Variants in KIAA1549L observed in about 807,000 individuals in gnomAD.
KIAA1549L encodes the protein KIAA1549 like, also known as UPF0606 protein KIAA1549L.
A neutral mutation model predicts 160.7 loss-of-function variants in KIAA1549L; 88 were observed. The observed-to-expected ratio is 0.55, with a 90% CI of 0.46 to 0.65. The LOEUF (loss-of-function observed/expected upper bound fraction) is 0.65, where lower values mean the gene tolerates loss of function less well. Ranked by LOEUF, KIAA1549L falls within the 30% of genes least tolerant of loss-of-function variation. The pLI is 0.00. For missense variants in KIAA1549L, 2,258 were observed against 2,437.5 expected (o/e 0.93, Z 1.55); for synonymous variants, 950 against 976.7 (o/e 0.97, Z 0.51).
intron 1 of KIAA1549L, among the ~76,000 whole-genome samples, chr11:33,401,697 G>C (rs1055703867): frequency 6.6e-6 from 1 of 152,134 alleles, no homozygotes; most frequent in Non-Finnish European, 1.5e-5. Context: ...CAGTAGCTGG[G>C]ACTACAGGCA....
intron 13 of KIAA1549L, 112 bp downstream of exon 13, chr11:33,599,059 C>T: frequency 2.3e-6 from 3 of 1,288,958 alleles, no homozygotes. Context: ...CTCTGACCCT[C>T]AGTCGTTCTT....
At position 33,542,000 on chromosome 11, in the gene KIAA1549L, A is replaced by G. The variant is rs1055367846; in HGVS notation, c.437A>G (p.His146Arg). ...QSARTPASKT[H>R]HRTRAHADFS... Reference sequence around the variant, plus strand: ...GCCCGAACCCCTGCGTCCAAGACACACCACAGAACTAGGGCTCACGCGGAC... The same window carrying G: ...GCCCGAACCCCTGCGTCCAAGACACGCCACAGAACTAGGGCTCACGCGGAC... The change falls in exon 2 of 21, where the codon CAC becomes CGC. Residue 146 changes from histidine (H) to arginine (R), a missense_variant. By Grantham distance (29) the His-to-Arg change is conservative (BLOSUM62 0). Coordinates refer to ENST00000658780, the MANE Select transcript of KIAA1549L (RefSeq NM_012194.3). 3.4e-5 allele frequency: 15 copies of G among 440,504 alleles called. No homozygotes were observed. Among genetic ancestry groups the G allele is most frequent in the African/African-American group, 3.0e-4 (15 of 49,878 alleles). The allele number at this position is 440,504 out of a possible 1,614,324, so 27.3% of individuals were successfully genotyped here. A position where few individuals can be genotyped will look rare whatever the true frequency, so the allele number is the denominator to read the frequency against.
At chr11:33,393,678 C>CA (rs1322088949) in intron 1 of KIAA1549L, among the ~76,000 whole-genome samples, 1 of 152,148 alleles carries the variant, frequency 6.6e-6, no homozygotes, top group Non-Finnish European at 1.5e-5. Flanking sequence ...GCATAGAAGA[C>CA]AATGTTCAGG....
intron 4 of KIAA1549L, among the ~76,000 whole-genome samples, chr11:33,548,296 G>A (rs1282867027): frequency 6.6e-6 from 1 of 152,144 alleles, no homozygotes; most frequent in African/African-American, 2.4e-5. Flanking sequence ...CTACTCGGGA[G>A]GCTGAGACAG....
At chr11:33,539,960 A>G (rs1209827331) in intron 1 of KIAA1549L, among the ~76,000 whole-genome samples, 2 of 152,226 alleles carry the variant, frequency 1.3e-5, no homozygotes, top group African/African-American at 2.4e-5. Flanking sequence ...ACTGTGTTTC[A>G]TAGGAGCTAT....
chr11:33,617,133 C>CAAAAAAA (rs59233344), intron 15 of KIAA1549L, among the ~76,000 whole-genome samples: 1 of 89,588 alleles, frequency 1.1e-5, no homozygotes, highest in African/African-American at 3.8e-5. Flanking sequence ...GAGATTCTAT[C>CAAAAAAA]AAAAAAAAAA....
intron 15 of KIAA1549L, among the ~76,000 whole-genome samples, chr11:33,612,235 A>G (rs990161655): frequency 3.9e-5 from 6 of 152,124 alleles, no homozygotes; most frequent in Non-Finnish European, 7.4e-5. Flanking sequence ...TTCTTGACAC[A>G]CTCTGCTGTT....
At chr11:33,580,768 G>C (rs1030528031) in intron 10 of KIAA1549L, among the ~76,000 whole-genome samples, 3 of 152,136 alleles carry the variant, frequency 2.0e-5, no homozygotes, top group Admixed American at 6.5e-5. Flanking sequence ...CTGCCCTCAT[G>C]GAGCTTATGT....
chr11:33,389,318 G>A (rs550488201), intron 1 of KIAA1549L, among the ~76,000 whole-genome samples: 14 of 152,312 alleles, frequency 9.2e-5, no homozygotes, highest in African/African-American at 2.6e-4. Context: ...AAGAAAAATG[G>A]GAAGTGTGAG....
intron 12 of KIAA1549L, among the ~76,000 whole-genome samples, chr11:33,596,115 C>T (rs1193636668): frequency 6.6e-6 from 1 of 152,206 alleles, no homozygotes; most frequent in Admixed American, 6.5e-5. Flanking sequence ...CTTCCCAGCT[C>T]CATGTCCTCA....
At chr11:33,632,572 CT>C (rs1434805623) in intron 16 of KIAA1549L, among the ~76,000 whole-genome samples, 1 of 151,894 alleles carries the variant, frequency 6.6e-6, no homozygotes, top group East Asian at 1.9e-4. Flanking sequence ...TTGAGGAACA[CT>C]TGTAGTTGGA....
At chr11:33,434,635 A>T (rs1851319727) in intron 1 of KIAA1549L, among the ~76,000 whole-genome samples, 2 of 152,242 alleles carry the variant, frequency 1.3e-5, no homozygotes, top group Admixed American at 1.3e-4. Flanking sequence ...ACTCAAAACC[A>T]GCAGCCATTT....
chr11:33,442,181 C>T (rs1007999677), intron 1 of KIAA1549L, among the ~76,000 whole-genome samples: 11 of 152,162 alleles, frequency 7.2e-5, no homozygotes, highest in African/African-American at 1.7e-4. Context: ...ATAGGGAATC[C>T]TTTCCCCATT....
intron 17 of KIAA1549L, among the ~76,000 whole-genome samples, chr11:33,649,783 C>T (rs1378587817): frequency 1.4e-5 from 2 of 147,826 alleles, no homozygotes; most frequent in Non-Finnish European, 3.0e-5. Flanking sequence ...GTTCCAGCTA[C>T]TAGGAGGCTG....
rs375167016 is a variant in KIAA1549L at position 33,667,890 on chromosome 11, C to T, written c.6177C>T (p.Tyr2059=). 2.5e-6 allele frequency: 4 copies of T among 1,612,436 alleles called. No homozygotes were observed. Among genetic ancestry groups the T allele is most frequent in the South Asian group, 2.2e-5 (2 of 90,712 alleles). Reference sequence around the variant, plus strand: ...CTCTGCAGGTGCCCCTCCCAGGGTACATCGAGGCCTACCCCCGATCACGGT... The same window carrying T: ...CTCTGCAGGTGCCCCTCCCAGGGTATATCGAGGCCTACCCCCGATCACGGT... ...QWADSVPLPG[Y]IEAYPRSRYP... Residue 2059 remains tyrosine, a synonymous_variant, in exon 21 of 21, where the codon TAC becomes TAT. Coordinates refer to ENST00000658780, the MANE Select transcript of KIAA1549L (RefSeq NM_012194.3).
intron 1 of KIAA1549L, among the ~76,000 whole-genome samples, chr11:33,507,105 T>A (rs1853109702): frequency 6.6e-6 from 1 of 152,104 alleles, no homozygotes; most frequent in Non-Finnish European, 1.5e-5. Context: ...AGAAGGAACA[T>A]AGGGAGATCT....
intron 18 of KIAA1549L, among the ~76,000 whole-genome samples, chr11:33,656,735 A>G (rs1419800553): frequency 1.3e-5 from 2 of 152,146 alleles, no homozygotes; most frequent in African/African-American, 2.4e-5. Context: ...AGCTTCCCCC[A>G]ACATACAAAT....
At chr11:33,421,411 G>T (rs1366507695) in intron 1 of KIAA1549L, among the ~76,000 whole-genome samples, 1 of 152,224 alleles carries the variant, frequency 6.6e-6, no homozygotes, top group African/African-American at 2.4e-5. Flanking sequence ...CCCACAGTGT[G>T]GGCCGTAGGC....
At chr11:33,456,593 G>GT (rs142163554) in intron 1 of KIAA1549L, among the ~76,000 whole-genome samples, 1 of 152,114 alleles carries the variant, frequency 6.6e-6, no homozygotes, top group African/African-American at 2.4e-5. Flanking sequence ...ATATTTTTTT[G>GT]TAGAGACAGG....
Sources: gnomAD v4.1 joint callset for allele counts (sites outside exome capture counted in the v4.1 genomes callset) on GRCh38, gnomAD v4.1.1 for gene constraint, MANE v1.5 for transcripts, NCBI Gene and HGNC (gene_info 2026-07-23, HGNC 2026-07-21) for gene names.